The following COG5 variants were observed in gnomAD, a reference collection of about 807,000 sequenced individuals.
COG5 encodes component of oligomeric golgi complex 5.
In COG5, 86 loss-of-function variants were observed where a neutral mutation model predicts 110.4. The observed-to-expected ratio is 0.78, with a 90% confidence interval of 0.65 to 0.93. The LOEUF (loss-of-function observed/expected upper bound fraction) is 0.93. COG5 is among the 40% of genes least tolerant of loss of function. The probability of loss-of-function intolerance (pLI) is 0.00; values close to 1 mark genes in which losing one functional copy is unlikely to be tolerated. For synonymous variants in COG5, 360 were observed against 334.6 expected, an observed-to-expected ratio of 1.08 and a Z score of -0.83; for missense variants, 1,077 against 987.0, an observed-to-expected ratio of 1.09 and a Z score of -1.22.
intron 19 of COG5, 82 bp downstream of exon 19, chr7:107,230,533 C>T (rs1346274074): frequency 9.7e-7 from 1 of 1,035,390 alleles, no homozygotes; most frequent in African/African-American, 1.6e-5. Flanking sequence ...TGAATATTGG[C>T]AATTTTATGA....
intron 2 of COG5, among the ~76,000 whole-genome samples, chr7:107,555,222 C>CA (rs1393771188): frequency 2.0e-5 from 3 of 151,970 alleles, no homozygotes; most frequent in African/African-American, 7.3e-5. Flanking sequence ...ATGGCCAGAA[C>CA]AAAAAAACCA....
intron 7 of COG5, among the ~76,000 whole-genome samples, chr7:107,376,171 C>A (rs1276722706): frequency 6.6e-6 from 1 of 152,048 alleles, no homozygotes; most frequent in Non-Finnish European, 1.5e-5. Context: ...TCTATCCTTA[C>A]AATTCACCTA....
At chr7:107,244,819 C>T (rs919459075) in intron 17 of COG5, among the ~76,000 whole-genome samples, 1 of 152,082 alleles carries the variant, frequency 6.6e-6, no homozygotes, top group Non-Finnish European at 1.5e-5. Context: ...TGCTGACTAA[C>T]TAAAAAAAGT....
chr7:107,449,491 A>G (rs1795205868), intron 6 of COG5, among the ~76,000 whole-genome samples: 1 of 152,188 alleles, frequency 6.6e-6, no homozygotes, highest in Non-Finnish European at 1.5e-5. Flanking sequence ...TCTTCACTTG[A>G]GCAGTTTGTC....
At chr7:107,344,843 C>T (rs759007483) in intron 10 of COG5, among the ~76,000 whole-genome samples, 11 of 152,064 alleles carry the variant, frequency 7.2e-5, no homozygotes, top group South Asian at 2.1e-4. Flanking sequence ...ACTTTCTTAT[C>T]GTTCATGTAT....
chr7:107,465,372 TAATTA>T (rs1796238226), intron 6 of COG5, among the ~76,000 whole-genome samples: 1 of 152,162 alleles, frequency 6.6e-6, no homozygotes, highest in Non-Finnish European at 1.5e-5. Context: ...ACTGAAGAAA[TAATTA>T]AATACAAATC....
chr7:107,249,758 C>T (rs994020782), intron 16 of COG5, among the ~76,000 whole-genome samples: 3 of 148,786 alleles, frequency 2.0e-5, no homozygotes, highest in Non-Finnish European at 3.0e-5. Flanking sequence ...AGTTTGCCCT[C>T]CATACAGGAG....
chr7:107,245,696 G>A (rs1430418218), intron 17 of COG5, among the ~76,000 whole-genome samples: 1 of 152,148 alleles, frequency 6.6e-6, no homozygotes, highest in African/African-American at 2.4e-5. Flanking sequence ...ACAAAACACT[G>A]CTCAAAGAAA....
rs1798506509 is a variant in COG5 at position 107,203,457 on chromosome 7, T to C, written c.*59A>G. 1 of 1,141,908 alleles carries C rather than the reference T, an allele frequency of 8.8e-7. No homozygotes were observed. The highest frequency in any genetic ancestry group is 1.3e-6 in the Non-Finnish European group (1 of 749,656). 70.7% of individuals were successfully genotyped at this position (1,141,908 alleles called of 1,614,324 possible). On this transcript the variant is annotated 3_prime_UTR_variant, in exon 22 of 22. Coordinates refer to ENST00000297135, the MANE Select transcript of COG5 (RefSeq NM_006348.5). ...AGTAGCAGTCTTTTGGAGTATGTGT[T>C]TAACTGCCAACTATGAATGGGTTAG...
In COG5 at chr7:107,563,827, T is replaced by C. The variant is rs957736001; in HGVS notation, c.70A>G (p.Thr24Ala). The C allele has an allele frequency of 8.7e-6, 14 of 1,613,672 alleles. No individual in the cohort carries two copies. Among genetic ancestry groups the C allele is most frequent in the Middle Eastern group, 1.6e-4 (1 of 6,080 alleles). ...GARGSGAAAATVRELLQDGCY... is the reference protein window; with the variant it reads ...GARGSGAAAAAVRELLQDGCY... The stretch of plus-strand genomic sequence containing the variant: ...CCGTCCTGCAGAAGTTCCCGGACTG[T>C]AGCTGCAGCCGCTCCAGAGCCTCGA... Residue 24 changes from threonine (T) to alanine (A), a missense_variant, in exon 1 of 22, where the codon ACA (threonine) becomes GCA (alanine). Transcript: ENST00000297135.
At chr7:107,428,238 C>G (rs994415768) in intron 6 of COG5, among the ~76,000 whole-genome samples, 1 of 152,114 alleles carries the variant, frequency 6.6e-6, no homozygotes, top group African/African-American at 2.4e-5. Context: ...GGGGTTTCAT[C>G]AGGGACCTGC....
At chr7:107,402,791 T>C (rs1290131835) in intron 7 of COG5, among the ~76,000 whole-genome samples, 5 of 152,194 alleles carry the variant, frequency 3.3e-5, no homozygotes, top group Non-Finnish European at 7.4e-5. Context: ...AATATGATCA[T>C]ATTCTGTGCA....
At chr7:107,219,553 A>C (rs1034997961) in intron 19 of COG5, among the ~76,000 whole-genome samples, 1 of 152,196 alleles carries the variant, frequency 6.6e-6, no homozygotes, top group African/African-American at 2.4e-5. Context: ...AGCCTGGAGG[A>C]CATTACGTTA....
At chr7:107,282,765 C>T (rs1028033718) in intron 13 of COG5, among the ~76,000 whole-genome samples, 4 of 152,036 alleles carry the variant, frequency 2.6e-5, no homozygotes, top group Non-Finnish European at 4.4e-5. Flanking sequence ...CACCCACCTC[C>T]GCCTCCCAAA....
At position 107,474,387 on chromosome 7, in the gene COG5, T is replaced by C. The variant is rs769655425; in HGVS notation, c.538+52850A>G. The C allele has an allele frequency of 3.1e-6, 5 of 1,610,788 alleles. No homozygotes were observed. The South Asian group carries it at 4.4e-5, about 14-fold the overall frequency. ...TTATCCTTCTGCTTTCACTGGAGAGTAACACTGCTCTCATTTGCTGTTTCC... is the reference window on the plus strand; with the variant it reads ...TTATCCTTCTGCTTTCACTGGAGAGCAACACTGCTCTCATTTGCTGTTTCC... On this transcript the variant is annotated intron_variant, in intron 6 of 21. Coordinates refer to ENST00000297135, the MANE Select transcript of COG5 (RefSeq NM_006348.5). The surrounding 1 kb of genome is among the most constrained non-coding windows in gnomAD (Gnocchi z 5.7).
intron 19 of COG5, among the ~76,000 whole-genome samples, chr7:107,225,414 AT>A (rs1800264226): frequency 6.6e-6 from 1 of 152,242 alleles, no homozygotes; most frequent in Non-Finnish European, 1.5e-5. Flanking sequence ...TTTAAAAAAA[AT>A]AAAAACCCTA....
At chr7:107,447,495 C>G (rs767860940) in intron 6 of COG5, among the ~76,000 whole-genome samples, 1 of 152,066 alleles carries the variant, frequency 6.6e-6, no homozygotes, top group Non-Finnish European at 1.5e-5. Context: ...AATATACATA[C>G]GAAGAGGAAA....
At chr7:107,546,443 T>TTTTTTTTTG (rs1802461230) in intron 5 of COG5, among the ~76,000 whole-genome samples, 1 of 147,144 alleles carries the variant, frequency 6.8e-6, no homozygotes, top group Non-Finnish European at 1.5e-5. Flanking sequence ...TTGTTTTTTT[T>TTTTTTTTTG]TTTTTTTTTT....
At chr7:107,240,852 T>G (rs1215005866) in intron 17 of COG5, among the ~76,000 whole-genome samples, 1 of 152,226 alleles carries the variant, frequency 6.6e-6, no homozygotes, top group African/African-American at 2.4e-5. Flanking sequence ...GTGCTCCATA[T>G]GCCTGTACTG....
Sources: allele counts gnomAD v4.1 joint callset (sites outside exome capture counted in the v4.1 genomes callset), GRCh38; gene constraint gnomAD v4.1.1; non-coding constraint Gnocchi (gnomAD v3.1); transcripts MANE v1.5; gene names NCBI Gene and HGNC (gene_info 2026-07-23, HGNC 2026-07-21).